Variants in PHRF1 observed in about 807,000 individuals in gnomAD.
PHRF1 encodes the protein PHD and ring finger domains 1, also known as PHD and RING finger domain-containing protein 1.
In PHRF1, 53 loss-of-function variants were observed where a neutral mutation model predicts 128.9. The ratio of observed to expected loss-of-function variants is 0.41; its 90% confidence interval spans 0.33 to 0.52. The LOEUF (loss-of-function observed/expected upper bound fraction) is 0.52, where lower values mean the gene tolerates loss of function less well. PHRF1 is among the 20% of genes least tolerant of loss of function. The pLI is 0.21. For missense variants in PHRF1, 2,503 were observed against 2,284.5 expected, an observed-to-expected ratio of 1.10 and a Z score of -1.95; for synonymous variants, 1,178 against 980.6, an observed-to-expected ratio of 1.20 and a Z score of -3.76.
Position 610,969 on chromosome 11 carries a change from C to T in PHRF1, c.4693C>T (p.His1565Tyr), listed in dbSNP as rs201355756. Residue 1565 changes from histidine (H) to tyrosine (Y), a missense_variant, in exon 17 of 18, where the codon CAC becomes TAC. Transcript: ENST00000264555. Reference sequence around the variant, plus strand: ...TCCCCTCTAGTACATGAAGAAGCTGCACATGCAGGAGCGTGCTGTGGAGGA... The same window carrying T: ...TCCCCTCTAGTACATGAAGAAGCTGTACATGCAGGAGCGTGCTGTGGAGGA... ...TKKEEYMKKL[H>Y]MQERAVEEVK... is the part of the protein sequence containing the mutation. 6.2e-6 allele frequency: 10 copies of T among 1,613,182 alleles called. No homozygotes were observed. The highest frequency in any genetic ancestry group is 1.1e-5 in the South Asian group (1 of 91,072).
Position 610,292 on chromosome 11 carries a change from C to T in PHRF1, c.4361C>T (p.Pro1454Leu), listed in dbSNP as rs1217022572. The change falls in exon 15 of 18, where the codon CCC (proline) becomes CTC (leucine). Residue 1454 changes from proline to leucine, a missense_variant. By Grantham distance (98) the Pro-to-Leu change is moderately conservative. Coordinates refer to ENST00000264555, the MANE Select transcript of PHRF1 (RefSeq NM_001286581.2). Reference sequence around the variant, plus strand: ...GTCAGGCAGGTGTTCTCCGAGCTGCCCTTTCCCAGTCACGTGCTTCCGGAA... The same window carrying T: ...GTCAGGCAGGTGTTCTCCGAGCTGCTCTTTCCCAGTCACGTGCTTCCGGAA... Reference protein sequence around the residue: ...TGVRQVFSELPFPSHVLPEPG... With the variant: ...TGVRQVFSELLFPSHVLPEPG... 8 of 1,563,702 alleles carry T rather than the reference C, an allele frequency of 5.1e-6. No homozygotes were observed. The highest frequency in any genetic ancestry group is 1.2e-5 in the South Asian group (1 of 84,980).
At chr11:576,697 C>T (rs1252229224) in intron 1 of PHRF1, 105 bp downstream of exon 1, 2 of 147,660 alleles carry the variant, frequency 1.4e-5, no homozygotes, top group East Asian at 2.0e-4. Flanking sequence ...CGGGGCGAGG[C>T]CTGCGCCGCG....
chr11:582,102 G>A (rs566280423), intron 3 of PHRF1, 21 bp downstream of exon 3: 7 of 1,568,210 alleles, frequency 4.5e-6, no homozygotes, highest in Admixed American at 1.9e-5. Flanking sequence ...TGGTGTTCAC[G>A]CCGGCTCCTG....
intron 9 of PHRF1, among the ~76,000 whole-genome samples, chr11:601,107 C>T (rs1298650380): frequency 6.6e-6 from 1 of 151,210 alleles, no homozygotes. Flanking sequence ...GGTAAGATCG[C>T]ACCAGTGCAC....
At chr11:591,125 C>T (rs1419065865) in intron 4 of PHRF1, among the ~76,000 whole-genome samples, 1 of 152,218 alleles carries the variant, frequency 6.6e-6, no homozygotes, top group Non-Finnish European at 1.5e-5. Flanking sequence ...CACGCCTGTC[C>T]TTCCTCCCTT....
intron 1 of PHRF1, among the ~76,000 whole-genome samples, chr11:576,915 G>A (rs1470210760): frequency 6.6e-6 from 1 of 150,590 alleles, no homozygotes; most frequent in Non-Finnish European, 1.5e-5. Flanking sequence ...GCCCCGCCGA[G>A]ACTGGGAGGC....
chr11:605,393 GTTT>G, intron 11 of PHRF1, 93 bp downstream of exon 11: 8 of 1,525,302 alleles, frequency 5.2e-6, no homozygotes, highest in Non-Finnish European at 7.1e-6. Flanking sequence ...GAGGCGTTAG[GTTT>G]TGTGTTTGAG....
chr11:604,379 C>T (rs1187257733), intron 10 of PHRF1, among the ~76,000 whole-genome samples: 4 of 152,236 alleles, frequency 2.6e-5, no homozygotes, highest in South Asian at 4.1e-4. Flanking sequence ...CCAGCCACAG[C>T]GGGAGGCTGC....
Position 608,634 on chromosome 11 carries a change from A to G in PHRF1, c.3178A>G (p.Ser1060Gly). 1 of 1,612,220 alleles carries G rather than the reference A, an allele frequency of 6.2e-7. No homozygotes were observed. Among genetic ancestry groups the G allele is most frequent in the South Asian group, 1.1e-5 (1 of 91,052 alleles). The change falls in exon 14 of 18, where the codon AGC becomes GGC. Residue 1060 changes from serine (S) to glycine (G), a missense_variant. Ser to Gly is a moderately conservative substitution (Grantham distance 56). Coordinates refer to ENST00000264555, the MANE Select transcript of PHRF1 (RefSeq NM_001286581.2). ...CCGGCGGTCCTCCAGTGACCGCTCC[A>G]GCAGCCGAGAGCGAGCTAAGAGGAA... ...KSRRSSSDRS[S>G]SRERAKRKKA...
intron 6 of PHRF1, among the ~76,000 whole-genome samples, chr11:595,599 T>G (rs543729917): frequency 5.3e-4 from 81 of 152,240 alleles, no homozygotes; most frequent in South Asian, 1.5e-3. Context: ...GTGCTCGTAT[T>G]TAAACTTGCA....
At chr11:611,598 T>G in intron 17 of PHRF1, 36 bp from the exon 18 acceptor site, 1 of 1,612,244 alleles carries the variant, frequency 6.2e-7, no homozygotes, top group East Asian at 2.2e-5. Context: ...CATCTGGATG[T>G]GAAAGGGCAT....
Position 608,972 on chromosome 11 carries a change from A to G in PHRF1, c.3516A>G (p.Ala1172=). 1 of 1,608,984 alleles carries G rather than the reference A, an allele frequency of 6.2e-7. No homozygotes were observed. Among genetic ancestry groups the G allele is most frequent in the Non-Finnish European group, 8.5e-7 (1 of 1,178,600 alleles). The change falls in exon 14 of 18, where the codon GCA becomes GCG. Residue 1172 remains alanine (A), a synonymous_variant. Transcript: ENST00000264555. ...GGTCCCCAAGCTCGGAGCACAGGGCACGGGAGCACAGGCGGCCTCGGTCCC... is the reference window on the plus strand; with the variant it reads ...GGTCCCCAAGCTCGGAGCACAGGGCGCGGGAGCACAGGCGGCCTCGGTCCC... ...RSRSPSSEHR[A]REHRRPRSRE... is the part of the protein sequence containing the mutation.
At chr11:577,453 G>A (rs1337412695) in intron 1 of PHRF1, among the ~76,000 whole-genome samples, 1 of 152,232 alleles carries the variant, frequency 6.6e-6, no homozygotes, top group African/African-American at 2.4e-5. Context: ...TTCGGGTTTG[G>A]CATAGTTGAT....
chr11:585,606 TCCAGCTTGAGGTAGTAGCCC>T lies in PHRF1; in HGVS notation c.215-1652_215-1633del, dbSNP rs1564841251. Among the ~76,000 whole-genome samples the T allele has an allele frequency of 2.2e-4, 23 of 104,164 alleles. 4 individuals carry two copies. The highest frequency in any genetic ancestry group is 7.5e-4 in the African/African-American group (21 of 27,908). 68.3% of individuals were successfully genotyped at this position (104,164 alleles called of 152,430 possible). The stretch of plus-strand genomic sequence containing the variant: ...TTTCCAGCTTGAGGTAGTAGCCCTT[TCCAGCTTGAGGTAGTAGCCC>T]TTTCCAGCTTGAGGTAGTAGCCCTT... On this transcript the variant is annotated intron_variant, in intron 3 of 17. Transcript: ENST00000264555.
At position 612,121 on chromosome 11, in the gene PHRF1, T is replaced by G; in HGVS notation, c.*344T>G. 1 of 360,152 alleles carries G rather than the reference T, an allele frequency of 2.8e-6. No individual in the cohort carries two copies. The highest frequency in any genetic ancestry group is 4.8e-5 in the South Asian group (1 of 20,936). The allele number at this position is 360,152 out of a possible 1,614,324, so 22.3% of individuals were successfully genotyped here. On this transcript the variant is annotated 3_prime_UTR_variant, in exon 18 of 18. Coordinates refer to ENST00000264555, the MANE Select transcript of PHRF1 (RefSeq NM_001286581.2). Reference sequence around the variant, plus strand: ...CTTGGTGATCAAGAGGGGCTCCTGGTGGGGTGGCGCGTCCTTGATAAATCT... The same window carrying G: ...CTTGGTGATCAAGAGGGGCTCCTGGGGGGGTGGCGCGTCCTTGATAAATCT...
chr11:610,445 T>C, intron 15 of PHRF1, 56 bp from the exon 16 acceptor site: 1 of 1,567,092 alleles, frequency 6.4e-7, no homozygotes, highest in South Asian at 1.2e-5. Context: ...TCACAGCTCC[T>C]GGGCACAGAG....
intron 17 of PHRF1, 115 bp from the exon 18 acceptor site, chr11:611,519 C>A: frequency 6.9e-7 from 1 of 1,445,046 alleles, no homozygotes; most frequent in Non-Finnish European, 9.4e-7. Context: ...CTGCGTGCTG[C>A]ACCTAGGGCC....
intron 16 of PHRF1, 22 bp from the exon 17 acceptor site, chr11:610,932 A>G (rs745605821): frequency 1.1e-5 from 18 of 1,610,252 alleles, no homozygotes; most frequent in South Asian, 3.3e-5. Context: ...TCCTGGCCGC[A>G]TCACACACAT....
chr11:598,311 G>T (rs1855419259), intron 8 of PHRF1, 62 bp from the exon 9 acceptor site: 2 of 1,556,012 alleles, frequency 1.3e-6, no homozygotes, highest in Non-Finnish European at 8.6e-7. Flanking sequence ...CTCCATTTGG[G>T]GTCTGTGCTG....
Sources: allele counts gnomAD v4.1 joint callset (sites outside exome capture counted in the v4.1 genomes callset), GRCh38; gene constraint gnomAD v4.1.1; transcripts MANE v1.5; gene names NCBI Gene and HGNC (gene_info 2026-07-23, HGNC 2026-07-21).